Variants in IP6K3 observed in about 807,000 individuals in gnomAD.
IP6K3 encodes ATP:1D-myo-inositol-hexakisphosphate phosphotransferase.
In IP6K3, 20 loss-of-function variants were observed where a neutral mutation model predicts 28.8. That is an observed-to-expected ratio of 0.70 (90% CI 0.49 to 1.01). The LOEUF (loss-of-function observed/expected upper bound fraction) is 1.01. IP6K3 is among the 50% of genes least tolerant of loss of function. The pLI is 0.00. For missense variants in IP6K3, 480 were observed against 537.1 expected (o/e 0.89, Z 1.05); for synonymous variants, 213 against 221.3 (o/e 0.96, Z 0.33).
chr6:33,724,537 G>A (rs1766025117), intron 5 of IP6K3, among the ~76,000 whole-genome samples: 1 of 152,210 alleles, frequency 6.6e-6, no homozygotes, highest in South Asian at 2.1e-4. Context: ...CAAAAAGGAG[G>A]CGTGGAGTCT....
intron 5 of IP6K3, 67 bp downstream of exon 5, chr6:33,725,374 A>C: frequency 3.4e-6 from 5 of 1,474,384 alleles, no homozygotes; most frequent in East Asian, 2.4e-5. Flanking sequence ...TCTGGATGGG[A>C]GATATCCTTG....
intron 1 of IP6K3, among the ~76,000 whole-genome samples, chr6:33,740,562 G>T (rs1226944702): frequency 6.6e-6 from 1 of 152,214 alleles, no homozygotes; most frequent in Non-Finnish European, 1.5e-5. Flanking sequence ...CAGCAGGGCC[G>T]TGAGTGGGTT....
rs34252064 is a variant in IP6K3, at chr6:33,726,882, G to A, written c.438C>T (p.Ser146=). ...KESPAKALLR[S]EPHLNTPAFS... ...AGGCTGGAGTGTTGAGGTGGGGCTC[G>A]GACCTCAGAAGAGCCTTGGCCGGGC... Residue 146 remains serine, a synonymous_variant, in exon 4 of 6, where the codon TCC becomes TCT. Transcript: ENST00000293756. 81,394 of 1,609,248 alleles carry A rather than the reference G, an allele frequency of 0.051. 3,730 individuals are homozygous for A. The highest frequency in any genetic ancestry group is 0.24 in the African/African-American group (17,953 of 74,910).
At chr6:33,737,170 T>G (rs902908100) in intron 1 of IP6K3, among the ~76,000 whole-genome samples, 4 of 152,152 alleles carry the variant, frequency 2.6e-5, no homozygotes, top group Non-Finnish European at 5.9e-5. Flanking sequence ...GGTGGGCCTG[T>G]GGGTCTCAGG....
At chr6:33,727,874 T>C (rs1766174702) in intron 3 of IP6K3, 1 of 985,364 alleles carries the variant, frequency 1.0e-6, no homozygotes, top group South Asian at 4.7e-5. Flanking sequence ...ACTTCTGGGA[T>C]AAAATGCATC....
At chr6:33,740,890 T>C (rs1365583594) in intron 1 of IP6K3, among the ~76,000 whole-genome samples, 2 of 152,256 alleles carry the variant, frequency 1.3e-5, no homozygotes, top group African/African-American at 2.4e-5. Flanking sequence ...AGATTAGTCA[T>C]GGACTATATC....
chr6:33,743,319 G>T (rs998758867), intron 1 of IP6K3, among the ~76,000 whole-genome samples: 1 of 152,220 alleles, frequency 6.6e-6, no homozygotes, highest in African/African-American at 2.4e-5. Context: ...AAGCAGCATG[G>T]TTTATGGCCT....
At chr6:33,728,853 C>T (rs1002870742) in intron 2 of IP6K3, among the ~76,000 whole-genome samples, 2 of 152,196 alleles carry the variant, frequency 1.3e-5, no homozygotes, top group African/African-American at 4.8e-5. Flanking sequence ...CACAGCCTTC[C>T]AGGGCTCAGG....
intron 2 of IP6K3, among the ~76,000 whole-genome samples, chr6:33,731,295 C>T (rs1040308871): frequency 1.2e-4 from 18 of 152,114 alleles, no homozygotes; most frequent in African/African-American, 3.6e-4. Flanking sequence ...CCCTGCCACA[C>T]GTGAGGCTAT....
At chr6:33,728,365 G>T in intron 2 of IP6K3, 65 bp from the exon 3 acceptor site, 1 of 1,432,690 alleles carries the variant, frequency 7.0e-7, no homozygotes, top group Non-Finnish European at 9.8e-7. Context: ...GGACATGCAG[G>T]AGTGATGACG....
At chr6:33,737,843 C>A (rs562075180) in intron 1 of IP6K3, among the ~76,000 whole-genome samples, 1 of 152,224 alleles carries the variant, frequency 6.6e-6, no homozygotes, top group Non-Finnish European at 1.5e-5. Flanking sequence ...AGACTCCAGC[C>A]TAGGCATTGA....
At chr6:33,726,127 C>T (rs138176890) in intron 4 of IP6K3, among the ~76,000 whole-genome samples, 24 of 152,292 alleles carry the variant, frequency 1.6e-4, no homozygotes, top group African/African-American at 4.8e-4. Flanking sequence ...AAACCAGCCA[C>T]CCATTTGCAG....
At chr6:33,756,537 TGGA>T in the IP6K3 span, among the ~76,000 whole-genome samples, 1 of 151,980 alleles carries the variant, frequency 6.6e-6, no homozygotes, top group Non-Finnish European at 1.5e-5. Flanking sequence ...CTCCTTTGAG[TGGA>T]CAGGGGTCAA....
rs1299535182 is a variant in IP6K3, at chr6:33,735,625, C to T, written c.-149G>A. 4 of 1,452,074 alleles carry T rather than the reference C, an allele frequency of 2.8e-6. No homozygotes were observed. The highest frequency in any genetic ancestry group is 3.6e-6 in the Non-Finnish European group (4 of 1,107,292). The allele number at this position is 1,452,074 out of a possible 1,614,324, so 89.9% of individuals were successfully genotyped here. On this transcript the variant is annotated 5_prime_UTR_variant, in exon 2 of 6. Transcript: ENST00000293756. ...TTTATTGCTGTCATAGCGCAGTTGT[C>T]CTCCTGTCTGTGGGTTCTCAGCGGG...
Position 33,728,253 on chromosome 6 carries a change from AGCT to A in IP6K3, c.244_246del (p.Ser82del). On this transcript the variant is annotated inframe_deletion, in exon 3 of 6. Coordinates refer to ENST00000293756, the MANE Select transcript of IP6K3 (RefSeq NM_054111.5). ...CTCTCCTTCACTGGGTTGGCAACCA[AGCT>A]GAGATGGCCTGTGCTGTCTTTCCAG... The A allele has an allele frequency of 6.2e-7, 1 of 1,614,100 alleles. No homozygotes were observed. The highest frequency in any genetic ancestry group is 1.1e-5 in the South Asian group (1 of 91,080).
intron 2 of IP6K3, among the ~76,000 whole-genome samples, chr6:33,730,917 A>G (rs1447957713): frequency 2.0e-5 from 3 of 152,146 alleles, no homozygotes; most frequent in Non-Finnish European, 2.9e-5. Flanking sequence ...ATTCTGTTCC[A>G]TAGGAGAGAA....
upstream of IP6K3, among the ~76,000 whole-genome samples, chr6:33,751,222 G>C (rs1767016719): frequency 6.6e-6 from 1 of 152,180 alleles, no homozygotes; most frequent in African/African-American, 2.4e-5. This position sits in a 1 kb window ranked among gnomAD's most constrained non-coding sequence, Gnocchi z 4.3. Flanking sequence ...CCCCACCTGG[G>C]AGCTTCCAGC....
chr6:33,734,681 C>A (rs1482772381), intron 2 of IP6K3, among the ~76,000 whole-genome samples: 1 of 152,222 alleles, frequency 6.6e-6, no homozygotes, highest in Non-Finnish European at 1.5e-5. Flanking sequence ...ACCCTCCCCA[C>A]CCACTTTCTT....
chr6:33,727,739 A>T, intron 3 of IP6K3: 1 of 744,982 alleles, frequency 1.3e-6, no homozygotes, highest in South Asian at 6.0e-5. Flanking sequence ...TACATACACT[A>T]TTCTAGGGTT....
Sources: allele counts gnomAD v4.1 joint callset (sites outside exome capture counted in the v4.1 genomes callset), GRCh38; gene constraint gnomAD v4.1.1; non-coding constraint Gnocchi (gnomAD v3.1); transcripts MANE v1.5; gene names NCBI Gene and HGNC (gene_info 2026-07-23, HGNC 2026-07-21).